Variants in NEK11 observed in about 807,000 individuals in gnomAD.
The protein encoded by NEK11 is NIMA related kinase 11.
Under a neutral mutation model 80.7 loss-of-function variants are expected in NEK11, and 72 were observed. The observed-to-expected ratio is 0.89, with a 90% CI of 0.74 to 1.08. The LOEUF (loss-of-function observed/expected upper bound fraction) is 1.08. NEK11 is among the 50% of genes least tolerant of loss of function. The pLI, the probability that NEK11 is intolerant of heterozygous loss-of-function variation, is 0.00. For missense variants in NEK11, 764 were observed against 763.6 expected, an observed-to-expected ratio of 1.00 and a Z score of -0.01; for synonymous variants, 251 against 260.7, an observed-to-expected ratio of 0.96 and a Z score of 0.36.
intron 14 of NEK11, among the ~76,000 whole-genome samples, chr3:131,194,883 C>A (rs955332847): frequency 2.0e-5 from 3 of 152,146 alleles, no homozygotes; most frequent in Non-Finnish European, 4.4e-5. Flanking sequence ...TTGAATCTAG[C>A]CTTCCTACAC....
intron 14 of NEK11, among the ~76,000 whole-genome samples, chr3:131,187,519 A>G (rs1030447231): frequency 1.3e-5 from 2 of 152,184 alleles, no homozygotes; most frequent in Non-Finnish European, 2.9e-5. Flanking sequence ...GAAATTCTCA[A>G]ATACTGACAA....
At chr3:131,289,863 G>T (rs2096525697) in intron 17 of NEK11, among the ~76,000 whole-genome samples, 2 of 152,128 alleles carry the variant, frequency 1.3e-5, no homozygotes, top group Non-Finnish European at 2.9e-5. Context: ...CACTATCATG[G>T]TGCAACACAG....
At chr3:131,049,031 G>A (rs1008416012) in intron 3 of NEK11, among the ~76,000 whole-genome samples, 4 of 152,142 alleles carry the variant, frequency 2.6e-5, no homozygotes, top group East Asian at 1.9e-4. Flanking sequence ...TTTTGACTTC[G>A]CGAACCTAAG....
chr3:131,036,263 T>G (rs574352430), intron 3 of NEK11, among the ~76,000 whole-genome samples: 21 of 152,360 alleles, frequency 1.4e-4, no homozygotes, highest in African/African-American at 5.1e-4. Flanking sequence ...ACATATTCAT[T>G]CAACAAATAC....
Position 131,168,812 on chromosome 3 carries a change from T to G in NEK11, c.1177-18T>G. The G allele has an allele frequency of 1.3e-6, 2 of 1,586,200 alleles. No individual in the cohort carries two copies. The highest frequency in any genetic ancestry group is 1.7e-6 in the Non-Finnish European group (2 of 1,156,840). On this transcript the variant is annotated intron_variant, in intron 12 of 17. Transcript: ENST00000383366. ...TTGGAAAACCACTGCTGAACAGACT[T>G]TGTCATAATCTCTTTAGGAAAAAAC...
intron 17 of NEK11, among the ~76,000 whole-genome samples, chr3:131,293,097 C>G (rs1475395711): frequency 2.0e-5 from 3 of 151,956 alleles, no homozygotes; most frequent in Admixed American, 2.0e-4. Flanking sequence ...TATCTTGTTG[C>G]ATTAGCTAGA....
chr3:131,098,694 G>A (rs1175686804), intron 4 of NEK11, among the ~76,000 whole-genome samples: 1 of 151,606 alleles, frequency 6.6e-6, no homozygotes, highest in East Asian at 1.9e-4. Flanking sequence ...TCCTGCCTCA[G>A]CCTCCTGAGT....
chr3:131,245,884 C>T (rs2095595191), intron 16 of NEK11, among the ~76,000 whole-genome samples: 1 of 151,826 alleles, frequency 6.6e-6, no homozygotes, highest in Admixed American at 6.6e-5. Flanking sequence ...GGATATTAGT[C>T]CCTGCCAGAT....
intron 14 of NEK11, among the ~76,000 whole-genome samples, chr3:131,201,828 TTTTTA>T (rs967924429): frequency 2.6e-5 from 4 of 152,084 alleles, no homozygotes; most frequent in Admixed American, 2.0e-4. Flanking sequence ...TAAATTCAGA[TTTTTA>T]TTTTATTTTA....
chr3:131,284,116 A>G (rs774933398), intron 17 of NEK11, among the ~76,000 whole-genome samples: 29 of 152,246 alleles, frequency 1.9e-4, no homozygotes, highest in Non-Finnish European at 3.4e-4. Flanking sequence ...GAGTGGAGCC[A>G]GCACTCTGGA....
intron 17 of NEK11, among the ~76,000 whole-genome samples, chr3:131,339,423 G>C (rs1438233534): frequency 6.6e-6 from 1 of 152,202 alleles, no homozygotes; most frequent in Non-Finnish European, 1.5e-5. Context: ...GTGCCACCCA[G>C]AAAGTTGGTG....
intron 16 of NEK11, among the ~76,000 whole-genome samples, chr3:131,254,893 G>T (rs1035430290): frequency 6.6e-6 from 1 of 151,858 alleles, no homozygotes; most frequent in African/African-American, 2.4e-5. Context: ...TATGGCGGGT[G>T]CCTGTAATCC....
chr3:131,304,904 G>A (rs767290420), intron 17 of NEK11, among the ~76,000 whole-genome samples: 5 of 152,110 alleles, frequency 3.3e-5, no homozygotes, highest in Non-Finnish European at 7.4e-5. Context: ...CTGGGGTGGA[G>A]CACCATTGGG....
rs541290129 is a variant in NEK11 at position 131,097,119 on chromosome 3, T to C, written c.337-12684T>C. 6.4e-3 allele frequency among the ~76,000 whole-genome samples: 965 copies of C among 151,958 alleles called. 6 individuals are homozygous for C. Among genetic ancestry groups the C allele is most frequent in the Middle Eastern group, 0.01 (3 of 292 alleles). ...ATGGTGTATATGTGCCACATTTTCT[T>C]AATCCAGTCTATCATTGTTGGACAT... On this transcript the variant is annotated intron_variant, in intron 4 of 17. Coordinates refer to ENST00000383366, the MANE Select transcript of NEK11 (RefSeq NM_024800.5).
chr3:131,125,764 T>C (rs77773339), intron 5 of NEK11, among the ~76,000 whole-genome samples: 2,156 of 152,274 alleles, frequency 0.014, 47 homozygotes, highest in African/African-American at 0.05. Flanking sequence ...GTACCAAGGA[T>C]AGTGTTTTAA....
At chr3:131,133,416 A>T in intron 6 of NEK11, 1 of 363,002 alleles carries the variant, frequency 2.8e-6, no homozygotes, top group East Asian at 8.2e-5. Flanking sequence ...ATAGTCTCAG[A>T]TCTTTTCTTT....
At chr3:131,113,748 T>C (rs551493342) in intron 5 of NEK11, among the ~76,000 whole-genome samples, 35 of 152,000 alleles carry the variant, frequency 2.3e-4, no homozygotes, top group African/African-American at 7.7e-4. Flanking sequence ...CCATCTCTAC[T>C]GAAAATACAA....
rs535041717 is a variant in NEK11, at chr3:131,246,947, C to G, written c.1621+3451C>G. On this transcript the variant is annotated intron_variant, in intron 16 of 17. Coordinates refer to ENST00000383366, the MANE Select transcript of NEK11 (RefSeq NM_024800.5). ...ATTGTCTACTTATGTCCTTAGCCCACTTTTTGATGGGATTTTTTTTTGTTT... is the reference window on the plus strand; with the variant it reads ...ATTGTCTACTTATGTCCTTAGCCCAGTTTTTGATGGGATTTTTTTTTGTTT... Among the ~76,000 whole-genome samples the G allele has an allele frequency of 3.3e-5, 5 of 152,052 alleles. No homozygotes were observed. The South Asian group carries it at 8.3e-4, about 25-fold the overall frequency.
At chr3:131,317,922 T>G (rs2096860857) in intron 17 of NEK11, among the ~76,000 whole-genome samples, 1 of 151,754 alleles carries the variant, frequency 6.6e-6, no homozygotes, top group Non-Finnish European at 1.5e-5. Context: ...ATATCCAAAC[T>G]GTCCGTCCTC....
Sources: allele counts gnomAD v4.1 joint callset (sites outside exome capture counted in the v4.1 genomes callset), GRCh38; gene constraint gnomAD v4.1.1; transcripts MANE v1.5; gene names NCBI Gene and HGNC (gene_info 2026-07-23, HGNC 2026-07-21).